The following UMODL1 variants were observed in gnomAD, a reference collection of about 807,000 sequenced individuals.
UMODL1 encodes uromodulin like 1.
In UMODL1, 128 loss-of-function variants were observed where a neutral mutation model predicts 136.3. The observed-to-expected ratio is 0.94, with a 90% CI of 0.81 to 1.09. The LOEUF is 1.09. UMODL1 is among the 50% of genes least tolerant of loss of function. The probability of loss-of-function intolerance (pLI) is 0.00; values close to 1 mark genes in which losing one functional copy is unlikely to be tolerated. For synonymous variants in UMODL1, 721 were observed against 720.0 expected (o/e 1.00, Z -0.02); for missense variants, 1,766 against 1,725.6 (o/e 1.02, Z -0.41).
chr21:42,118,472 A>G (rs7276843), intron 14 of UMODL1, among the ~76,000 whole-genome samples: 1,924 of 152,346 alleles, frequency 0.013, 38 homozygotes, highest in African/African-American at 0.042. Context: ...TGCTTTGACC[A>G]TGATGGGTTA....
Position 42,088,274 on chromosome 21 carries a change from C to G in UMODL1, c.604-20C>G, listed in dbSNP as rs966419952. ...CGGGGTGTCCTTCTGCTGTGTGACA[C>G]TCTGATTCTGCCTTCACAGGTCACC... On this transcript the variant is annotated intron_variant, in intron 4 of 22. Transcript: ENST00000408910. 4 of 1,605,168 alleles carry G rather than the reference C, an allele frequency of 2.5e-6. No individual in the cohort carries two copies. In the African/African-American group the frequency reaches 5.3e-5, roughly 21 times the overall value.
chr21:42,129,619 G>T (rs7279283), intron 20 of UMODL1, 94 bp from the exon 21 acceptor site: 3 of 1,142,666 alleles, frequency 2.6e-6, no homozygotes, highest in Non-Finnish European at 1.2e-6. Context: ...GGATAAAATC[G>T]CATACATCAC....
At chr21:42,139,924 C>G (rs1384918569) in intron 22 of UMODL1, among the ~76,000 whole-genome samples, 3 of 152,250 alleles carry the variant, frequency 2.0e-5, no homozygotes, top group Non-Finnish European at 4.4e-5. Flanking sequence ...GAATCACTTC[C>G]ACAAGCGGGT....
intron 6 of UMODL1, among the ~76,000 whole-genome samples, chr21:42,096,209 C>A (rs959369610): frequency 2.6e-5 from 4 of 152,142 alleles, no homozygotes; most frequent in Non-Finnish European, 5.9e-5. Flanking sequence ...GAAAGGGCCA[C>A]ACAGATATTG....
chr21:42,141,615 G>C (rs1370262630), intron 22 of UMODL1, among the ~76,000 whole-genome samples: 1 of 152,170 alleles, frequency 6.6e-6, no homozygotes, highest in Non-Finnish European at 1.5e-5. Flanking sequence ...GTCTTTCTTT[G>C]TTCTCCCGGG....
At chr21:42,125,742 G>A (rs2067044066) in intron 17 of UMODL1, among the ~76,000 whole-genome samples, 2 of 152,146 alleles carry the variant, frequency 1.3e-5, no homozygotes, top group South Asian at 2.1e-4. Context: ...GGGCCACAGC[G>A]GCATCCTCAA....
Position 42,084,097 on chromosome 21 carries a change from C to A in UMODL1, c.333C>A (p.Ser111=), listed in dbSNP as rs745944361. The change falls in exon 3 of 23, where the codon TCC becomes TCA. Residue 111 remains serine, a synonymous_variant. Coordinates refer to ENST00000408910, the MANE Select transcript of UMODL1 (RefSeq NM_001004416.3). ...ATTTTCTCCCAGCCCTGAATCAGTC[C>A]GGGCAGTTCACGTCAAGACCTGGGG... ...GLYCVLPLNQ[S]GQFTSRPGAC... 4.3e-6 allele frequency: 7 copies of A among 1,613,910 alleles called. No individual in the cohort carries two copies. The highest frequency in any genetic ancestry group is 5.9e-6 in the Non-Finnish European group (7 of 1,179,964).
At chr21:42,090,530 T>G in intron 6 of UMODL1, 92 bp downstream of exon 6, 3 of 1,472,354 alleles carry the variant, frequency 2.0e-6, no homozygotes, top group Non-Finnish European at 2.8e-6. Context: ...GCTGCAGCAT[T>G]CACCCCGAGA....
chr21:42,125,271 G>C (rs1403810684), intron 17 of UMODL1, among the ~76,000 whole-genome samples: 1 of 152,178 alleles, frequency 6.6e-6, no homozygotes, highest in African/African-American at 2.4e-5. Flanking sequence ...CAGGGGCTGA[G>C]GGATGAGGTG....
At chr21:42,088,192 C>A in intron 4 of UMODL1, 102 bp from the exon 5 acceptor site, 3 of 1,236,158 alleles carry the variant, frequency 2.4e-6, no homozygotes, top group Non-Finnish European at 3.4e-6. Flanking sequence ...CAGAATGGTA[C>A]GTGTGTGTGG....
chr21:42,124,958 T>G (rs1334882127), intron 17 of UMODL1, among the ~76,000 whole-genome samples: 1 of 152,048 alleles, frequency 6.6e-6, no homozygotes, highest in Non-Finnish European at 1.5e-5. Flanking sequence ...CCATGGGAGT[T>G]CAGGGTCAAA....
intron 21 of UMODL1, among the ~76,000 whole-genome samples, chr21:42,132,703 A>G (rs1440298725): frequency 2.0e-5 from 3 of 151,878 alleles, no homozygotes; most frequent in Non-Finnish European, 4.4e-5. Context: ...CCTACCTCAT[A>G]AGGTTGTTGT....
At chr21:42,106,676 C>T (rs2066724855) in intron 9 of UMODL1, among the ~76,000 whole-genome samples, 1 of 152,222 alleles carries the variant, frequency 6.6e-6, no homozygotes, top group African/African-American at 2.4e-5. Context: ...GAGCCGCCCC[C>T]CGCGCCTATG....
intron 6 of UMODL1, among the ~76,000 whole-genome samples, chr21:42,096,320 C>T (rs150633916): frequency 5.9e-5 from 9 of 152,322 alleles, no homozygotes; most frequent in Admixed American, 3.9e-4. Context: ...AAGTCACTGA[C>T]GGCAGCTTCT....
chr21:42,072,208 T>C (rs1293403377), intron 1 of UMODL1, among the ~76,000 whole-genome samples: 1 of 152,220 alleles, frequency 6.6e-6, no homozygotes, highest in African/African-American at 2.4e-5. Flanking sequence ...TTCCCAGGCA[T>C]GCGGAGAGCA....
chr21:42,109,778 A>G (rs900029049), intron 10 of UMODL1, 79 bp downstream of exon 10: 96 of 1,514,688 alleles, frequency 6.3e-5, no homozygotes, highest in Non-Finnish European at 8.0e-5. Flanking sequence ...CCAATTCTCC[A>G]TAGGCACAGG....
chr21:42,127,062 A>C lies in UMODL1; in HGVS notation c.3350A>C (p.Gln1117Pro). 2 of 1,614,194 alleles carry C rather than the reference A, an allele frequency of 1.2e-6. No homozygotes were observed. The highest frequency in any genetic ancestry group is 2.2e-5 in the South Asian group (2 of 91,084). The change falls in exon 19 of 23, where the codon CAG (glutamine) becomes CCG (proline). Residue 1117 changes from glutamine (Q) to proline (P), a missense_variant. Coordinates refer to ENST00000408910, the MANE Select transcript of UMODL1 (RefSeq NM_001004416.3). Reference protein sequence around the residue: ...HGAGNFVTEMQLFIGDSPIPQ... With the variant: ...HGAGNFVTEMPLFIGDSPIPQ... Reference sequence around the variant, plus strand: ...GCTGGGAATTTTGTTACCGAAATGCAGTTGTTTATCGGAGACTCTCCCATA... The same window carrying C: ...GCTGGGAATTTTGTTACCGAAATGCCGTTGTTTATCGGAGACTCTCCCATA...
chr21:42,119,081 G>A, intron 14 of UMODL1, 30 bp from the exon 15 acceptor site: 1 of 1,603,796 alleles, frequency 6.2e-7, no homozygotes, highest in African/African-American at 1.3e-5. Context: ...TCAGCGTGGG[G>A]ACCTCCTCAC....
rs995400548 is a variant in UMODL1 at position 42,123,256 on chromosome 21, G to T, written c.3147+106G>T. The T allele has an allele frequency of 2.3e-6, 3 of 1,324,214 alleles. No homozygotes were observed. The highest frequency in any genetic ancestry group is 1.5e-5 in the African/African-American group (1 of 68,218). 82.0% of individuals were successfully genotyped at this position (1,324,214 alleles called of 1,614,324 possible). A position where few individuals can be genotyped will look rare whatever the true frequency, so the allele number is the denominator to read the frequency against. The stretch of plus-strand genomic sequence containing the variant: ...CCAGGCAAGACTCTGCACCCCGAGG[G>T]GAACCCAGCAAGGGGGGTTCAGGAC... On this transcript the variant is annotated intron_variant, in intron 17 of 22. Coordinates refer to ENST00000408910, the MANE Select transcript of UMODL1 (RefSeq NM_001004416.3). The surrounding 1 kb of genome is among the most constrained non-coding windows in gnomAD (Gnocchi z 4.4).
Sources: allele counts gnomAD v4.1 joint callset (sites outside exome capture counted in the v4.1 genomes callset), GRCh38; gene constraint gnomAD v4.1.1; non-coding constraint Gnocchi (gnomAD v3.1); transcripts MANE v1.5; gene names NCBI Gene and HGNC (gene_info 2026-07-23, HGNC 2026-07-21).